VWA8: variants seen among roughly 807,000 people sequenced by gnomAD.
The protein encoded by VWA8 is von Willebrand factor A domain containing 8.
VWA8 carries 221 observed loss-of-function variants against 241.5 expected under a neutral mutation model. That is an observed-to-expected ratio of 0.91 (90% confidence interval 0.82 to 1.02). VWA8 has a LOEUF of 1.02. VWA8 is among the 50% of genes least tolerant of loss of function. VWA8 has a pLI of 0.00. For synonymous variants in VWA8, 852 were observed against 827.1 expected, an observed-to-expected ratio of 1.03 and a Z score of -0.52; for missense variants, 2,322 against 2,328.7, an observed-to-expected ratio of 1.00 and a Z score of 0.06.
At chr13:41,685,281 A>G in intron 34 of VWA8, 39 bp from the exon 35 acceptor site, 1 of 1,573,426 alleles carries the variant, frequency 6.4e-7, no homozygotes. Context: ...GAAGTACCAT[A>G]TACTACATTC....
chr13:41,646,318 C>A (rs2044832193), intron 37 of VWA8, among the ~76,000 whole-genome samples: 1 of 152,156 alleles, frequency 6.6e-6, no homozygotes, highest in African/African-American at 2.4e-5. Flanking sequence ...TAATCTGAAT[C>A]ATTAATTCAT....
Position 41,843,954 on chromosome 13 carries a change from CTGAGGA to C in VWA8, c.1426-10429_1426-10424del, listed in dbSNP as rs1872172902. On this transcript the variant is annotated intron_variant, in intron 12 of 44. Transcript: ENST00000379310. ...ATTCTACTGAAACTATTCAACACAA[CTGAGGA>C]ATAAGGACTCCTCTCTAACTCGTTC... is the stretch of plus-strand genomic sequence containing the variant. 2.6e-5 allele frequency among the ~76,000 whole-genome samples: 4 copies of C among 152,216 alleles called. 1 individual carries two copies. In the South Asian group the frequency reaches 8.3e-4, roughly 32 times the overall value.
At chr13:41,817,167 T>C (rs760537990) in intron 15 of VWA8, among the ~76,000 whole-genome samples, 11 of 152,202 alleles carry the variant, frequency 7.2e-5, no homozygotes, top group Non-Finnish European at 1.6e-4. Context: ...GGTGTTGTCT[T>C]ACTGAAACCA....
At chr13:41,934,511 A>G (rs539466031) in intron 2 of VWA8, among the ~76,000 whole-genome samples, 13 of 152,208 alleles carry the variant, frequency 8.5e-5, no homozygotes, top group Non-Finnish European at 1.6e-4. Flanking sequence ...TGTTGAGAGC[A>G]GCTTTATTTC....
chr13:41,618,113 A>G (rs537293118), intron 37 of VWA8, among the ~76,000 whole-genome samples: 9 of 152,258 alleles, frequency 5.9e-5, no homozygotes, highest in African/African-American at 1.7e-4. Context: ...AAGCGTTCCT[A>G]TTTCTCCACA....
At chr13:41,790,651 C>G (rs1177757668) in intron 17 of VWA8, among the ~76,000 whole-genome samples, 1 of 151,910 alleles carries the variant, frequency 6.6e-6, no homozygotes, top group Non-Finnish European at 1.5e-5. Flanking sequence ...ATACCAAACA[C>G]TTGAGTGAAG....
intron 2 of VWA8, among the ~76,000 whole-genome samples, chr13:41,920,093 T>C (rs1350720652): frequency 6.6e-6 from 1 of 152,086 alleles, no homozygotes; most frequent in Non-Finnish European, 1.5e-5. Context: ...ATTTCTGGGT[T>C]CTTGACAGTG....
At chr13:41,684,916 T>C in intron 35 of VWA8, 131 bp downstream of exon 35, 1 of 821,648 alleles carries the variant, frequency 1.2e-6, no homozygotes, top group Non-Finnish European at 1.9e-6. Flanking sequence ...TCTTTTTAGT[T>C]ACTTCTAAAC....
At chr13:41,833,041 AG>A (rs961603075) in intron 13 of VWA8, among the ~76,000 whole-genome samples, 1 of 152,190 alleles carries the variant, frequency 6.6e-6, no homozygotes, top group Admixed American at 6.5e-5. Context: ...GACAAATTAT[AG>A]AAACTTCAGC....
intron 17 of VWA8, among the ~76,000 whole-genome samples, chr13:41,805,995 C>CAAA (rs1215137704): frequency 6.9e-5 from 6 of 86,576 alleles, no homozygotes; most frequent in East Asian, 8.7e-4. Flanking sequence ...TTAAAAAATT[C>CAAA]AAAAATAAAA....
At chr13:41,853,043 C>T (rs182784064) in intron 12 of VWA8, among the ~76,000 whole-genome samples, 5 of 151,974 alleles carry the variant, frequency 3.3e-5, no homozygotes, top group Non-Finnish European at 7.4e-5. Context: ...TGGGTGGTAT[C>T]GTTAGTGTTT....
chr13:41,613,263 C>G (rs928481947), intron 38 of VWA8, among the ~76,000 whole-genome samples: 2 of 152,168 alleles, frequency 1.3e-5, no homozygotes, highest in Admixed American at 1.3e-4. Flanking sequence ...ATTAATTACA[C>G]TACTTTAATC....
At chr13:41,746,359 T>C (rs967503075) in intron 21 of VWA8, among the ~76,000 whole-genome samples, 10 of 152,266 alleles carry the variant, frequency 6.6e-5, no homozygotes, top group African/African-American at 2.2e-4. Context: ...AAGAAACCCA[T>C]AGACTCTTGT....
At chr13:41,642,385 C>G (rs2044801384) in intron 37 of VWA8, among the ~76,000 whole-genome samples, 1 of 151,754 alleles carries the variant, frequency 6.6e-6, no homozygotes, top group Non-Finnish European at 1.5e-5. Context: ...TAGTGAAACC[C>G]TGTCTCTACT....
chr13:41,922,910 T>G (rs1164598666), intron 2 of VWA8, among the ~76,000 whole-genome samples: 2 of 152,214 alleles, frequency 1.3e-5, no homozygotes, highest in African/African-American at 4.8e-5. Flanking sequence ...AGAAATATGA[T>G]TTGACCCAGC....
rs560530416 is a variant in VWA8 at position 41,830,163 on chromosome 13, G to A, written c.1700+366C>T. The stretch of plus-strand genomic sequence containing the variant: ...GAGGCTGAGGCAGGAGAATGGCATG[G>A]ACCTGGGAGGCGGAGCTTGCAATGA... On this transcript the variant is annotated intron_variant, in intron 14 of 44. Coordinates refer to ENST00000379310, the MANE Select transcript of VWA8 (RefSeq NM_015058.2). Among the ~76,000 whole-genome samples, 4 of 151,000 alleles carry A rather than the reference G, an allele frequency of 2.6e-5. No individual in the cohort carries two copies. The East Asian group carries it at 7.8e-4, about 30-fold the overall frequency.
intron 40 of VWA8, among the ~76,000 whole-genome samples, chr13:41,593,271 T>G (rs962787270): frequency 5.3e-5 from 8 of 152,178 alleles, no homozygotes; most frequent in Non-Finnish European, 7.4e-5. Flanking sequence ...CACCAGCATA[T>G]AGATTATTAA....
At chr13:41,912,197 C>T in intron 2 of VWA8, 29 bp from the exon 3 acceptor site, 3 of 1,553,886 alleles carry the variant, frequency 1.9e-6, no homozygotes, top group Non-Finnish European at 1.7e-6. Flanking sequence ...AAATGAAGTG[C>T]AAATTTAAGT....
At chr13:41,884,558 A>G (rs1290772460) in intron 8 of VWA8, among the ~76,000 whole-genome samples, 1 of 148,228 alleles carries the variant, frequency 6.7e-6, no homozygotes, top group African/African-American at 2.4e-5. Context: ...ACTGACTGCA[A>G]TTTACTTCCA....
Sources: gnomAD v4.1 joint callset for allele counts (sites outside exome capture counted in the v4.1 genomes callset) on GRCh38, gnomAD v4.1.1 for gene constraint, MANE v1.5 for transcripts, NCBI Gene and HGNC (gene_info 2026-07-23, HGNC 2026-07-21) for gene names.